Variants in DGKI observed in about 807,000 individuals in gnomAD.
DGKI encodes DAG kinase iota.
DGKI carries 55 observed loss-of-function variants against 147.5 expected under a neutral mutation model. The observed-to-expected ratio is 0.37, with a 90% CI of 0.30 to 0.47. DGKI has a LOEUF of 0.47. Ranked by LOEUF, DGKI falls within the 20% of genes least tolerant of loss-of-function variation. DGKI has a pLI of 1.00. For missense variants in DGKI, 1,007 were observed against 1,323.8 expected (o/e 0.76, Z 3.71); for synonymous variants, 469 against 477.1 (o/e 0.98, Z 0.22).
chr7:137,701,271 A>G (rs572033489), intron 1 of DGKI, among the ~76,000 whole-genome samples: 86 of 152,324 alleles, frequency 5.6e-4, no homozygotes, highest in Admixed American at 1.4e-3. Context: ...TCATCTCCCT[A>G]ACATTCAAAC....
At chr7:137,591,111 C>T (rs189584636) in intron 12 of DGKI, among the ~76,000 whole-genome samples, 37 of 152,290 alleles carry the variant, frequency 2.4e-4, no homozygotes, top group Non-Finnish European at 5.9e-5. Flanking sequence ...AAGGCAGAGC[C>T]CACAGGGTGC....
intron 21 of DGKI, among the ~76,000 whole-genome samples, chr7:137,521,550 G>A (rs112264696): frequency 1.7e-3 from 259 of 152,190 alleles, no homozygotes; most frequent in African/African-American, 5.9e-3. Flanking sequence ...TCTGGATGGT[G>A]CTATACCATT....
At chr7:137,802,144 G>A (rs1770666777) in intron 1 of DGKI, among the ~76,000 whole-genome samples, 1 of 152,108 alleles carries the variant, frequency 6.6e-6, no homozygotes, top group South Asian at 2.1e-4. Context: ...ACTCAGGATT[G>A]GAAAACCAAA....
chr7:137,610,351 T>A (rs1325226598), intron 8 of DGKI, among the ~76,000 whole-genome samples: 1 of 152,200 alleles, frequency 6.6e-6, no homozygotes, highest in Non-Finnish European at 1.5e-5. Flanking sequence ...GACCCCCAAA[T>A]TTACTTTCCT....
At chr7:137,746,767 G>A (rs1795349980) in intron 1 of DGKI, among the ~76,000 whole-genome samples, 1 of 152,004 alleles carries the variant, frequency 6.6e-6, no homozygotes, top group Non-Finnish European at 1.5e-5. Flanking sequence ...GGTGTAAGCT[G>A]TTCCTTGGGT....
chr7:137,722,500 T>C (rs1419848777), intron 1 of DGKI: 2 of 1,611,802 alleles, frequency 1.2e-6, no homozygotes, highest in Admixed American at 1.7e-5. Context: ...GGCTAGTGGC[T>C]TGTTACTTGT....
intron 27 of DGKI, among the ~76,000 whole-genome samples, chr7:137,457,777 A>C (rs1814263096): frequency 6.6e-6 from 1 of 152,202 alleles, no homozygotes; most frequent in Non-Finnish European, 1.5e-5. Context: ...TTACACAATG[A>C]GGAAGGACAA....
At chr7:137,617,562 T>C (rs1184097122) in intron 8 of DGKI, among the ~76,000 whole-genome samples, 9 of 152,106 alleles carry the variant, frequency 5.9e-5, no homozygotes, top group Admixed American at 6.6e-5. Flanking sequence ...CTAATGTTTG[T>C]TTTAAAATAC....
chr7:137,536,207 G>A (rs1027878825), intron 20 of DGKI, among the ~76,000 whole-genome samples: 1 of 152,076 alleles, frequency 6.6e-6, no homozygotes, highest in African/African-American at 2.4e-5. Flanking sequence ...TAAATGCTAC[G>A]ATGTCAACTT....
At chr7:137,473,960 T>C (rs532203489) in intron 23 of DGKI, among the ~76,000 whole-genome samples, 19 of 152,184 alleles carry the variant, frequency 1.2e-4, no homozygotes, top group African/African-American at 3.4e-4. Context: ...ATTTTGGGAG[T>C]TGTTAGAAAA....
chr7:137,822,216 G>T (rs1797927316), intron 1 of DGKI, among the ~76,000 whole-genome samples: 2 of 152,160 alleles, frequency 1.3e-5, no homozygotes, highest in African/African-American at 4.8e-5. Flanking sequence ...AGACCAGCCT[G>T]GCCAACATGG....
intron 27 of DGKI, among the ~76,000 whole-genome samples, chr7:137,449,957 A>G (rs1020198590): frequency 6.6e-6 from 1 of 152,210 alleles, no homozygotes; most frequent in Admixed American, 6.5e-5. Flanking sequence ...CAGCCATAAA[A>G]AAAAGGAAAT....
intron 2 of DGKI, among the ~76,000 whole-genome samples, chr7:137,678,879 T>C (rs1269732629): frequency 6.6e-6 from 1 of 152,208 alleles, no homozygotes. Context: ...ATTAGGTTTA[T>C]AGCTGCTTTA....
chr7:137,500,614 C>T (rs529785638), intron 21 of DGKI, among the ~76,000 whole-genome samples: 3 of 152,076 alleles, frequency 2.0e-5, no homozygotes, highest in Non-Finnish European at 4.4e-5. Context: ...AAATTGTAAA[C>T]AGCCAGATAA....
intron 22 of DGKI, among the ~76,000 whole-genome samples, chr7:137,486,571 C>T (rs928489615): frequency 3.9e-5 from 6 of 151,962 alleles, no homozygotes; most frequent in South Asian, 2.1e-4. Flanking sequence ...TTAATGAAGC[C>T]GTAAGTGTAA....
intron 5 of DGKI, among the ~76,000 whole-genome samples, chr7:137,652,788 T>C (rs1345486719): frequency 1.3e-5 from 2 of 152,230 alleles, no homozygotes; most frequent in Non-Finnish European, 1.5e-5. Flanking sequence ...ATAGCATTCA[T>C]ATTCATGTTG....
intron 1 of DGKI, among the ~76,000 whole-genome samples, chr7:137,812,518 C>CTTT (rs1226917629): frequency 1.3e-5 from 2 of 152,174 alleles, no homozygotes; most frequent in African/African-American, 4.8e-5. Context: ...GAAACCCTGC[C>CTTT]CTTTCAGGCG....
intron 3 of DGKI, among the ~76,000 whole-genome samples, chr7:137,676,564 C>T (rs1049125457): frequency 3.9e-5 from 6 of 152,132 alleles, no homozygotes; most frequent in Middle Eastern, 3.2e-3. Flanking sequence ...TGATTTATTC[C>T]TTCATTTAAC....
chr7:137,462,022 C>T (rs1207752979), intron 27 of DGKI, among the ~76,000 whole-genome samples: 6 of 152,010 alleles, frequency 3.9e-5, no homozygotes, highest in Non-Finnish European at 8.8e-5. Flanking sequence ...ATGATACGTA[C>T]ATCAGTATGT....
Sources: gnomAD v4.1 joint callset for allele counts (sites outside exome capture counted in the v4.1 genomes callset) on GRCh38, gnomAD v4.1.1 for gene constraint, MANE v1.5 for transcripts, NCBI Gene and HGNC (gene_info 2026-07-23, HGNC 2026-07-21) for gene names.